DAB1: variants seen among roughly 807,000 people sequenced by gnomAD.
The protein encoded by DAB1 is DAB adaptor protein 1, also known as disabled homolog 1.
A neutral mutation model predicts 64.6 loss-of-function variants in DAB1; 15 were observed. That is an observed-to-expected ratio of 0.23 (90% confidence interval 0.16 to 0.36). The LOEUF is 0.36. Ranked by LOEUF, DAB1 falls within the 10% of genes least tolerant of loss-of-function variation. The probability of loss-of-function intolerance (pLI) is 1.00; values close to 1 mark genes in which losing one functional copy is unlikely to be tolerated. For synonymous variants in DAB1, 235 were observed against 251.9 expected (o/e 0.93, Z 0.64); for missense variants, 596 against 706.7 (o/e 0.84, Z 1.78).
intron 2 of DAB1, among the ~76,000 whole-genome samples, chr1:57,155,015 T>G (rs918146148): frequency 6.6e-6 from 1 of 152,202 alleles, no homozygotes; most frequent in African/African-American, 2.4e-5. Context: ...GTGCAGAAGC[T>G]TTTTAGCTTG....
chr1:57,715,731 TA>T (rs1278926782), intron 6 of DAB1, among the ~76,000 whole-genome samples: 1 of 151,466 alleles, frequency 6.6e-6, no homozygotes, highest in African/African-American at 2.4e-5. Flanking sequence ...GCCAAAGAGG[TA>T]AAAAAAGAAT....
chr1:58,417,819 C>T (rs60580636), intron 3 of DAB1, among the ~76,000 whole-genome samples: 1,869 of 152,326 alleles, frequency 0.012, 47 homozygotes, highest in African/African-American at 0.043. Context: ...TCTGCTCTGA[C>T]ACTGACACAC....
intron 9 of DAB1, among the ~76,000 whole-genome samples, chr1:57,053,660 C>CTCTCTCTCTCTA (rs1399510534): frequency 1.4e-4 from 16 of 116,678 alleles, no homozygotes; most frequent in African/African-American, 5.0e-4. Flanking sequence ...CTCTCTCTCT[C>CTCTCTCTCTCTA]TATATGTATA....
chr1:57,489,602 A>G (rs1644137210), intron 7 of DAB1, among the ~76,000 whole-genome samples: 1 of 152,152 alleles, frequency 6.6e-6, no homozygotes, highest in African/African-American at 2.4e-5. Context: ...TCCAGCCCTT[A>G]TGTCTAACTG....
At chr1:58,144,681 G>GA (rs143248243) in intron 5 of DAB1, among the ~76,000 whole-genome samples, 2,522 of 152,326 alleles carry the variant, frequency 0.017, 66 homozygotes, top group South Asian at 0.1. Context: ...AGAATGAGTA[G>GA]AAGCATTTTA....
At chr1:57,484,577 A>G (rs1187343970) in intron 7 of DAB1, among the ~76,000 whole-genome samples, 1 of 152,196 alleles carries the variant, frequency 6.6e-6, no homozygotes, top group Non-Finnish European at 1.5e-5. Context: ...GCTTGCTTGG[A>G]AGAACACCAA....
At chr1:57,949,130 C>T (rs1645228084) in intron 5 of DAB1, among the ~76,000 whole-genome samples, 1 of 151,666 alleles carries the variant, frequency 6.6e-6, no homozygotes, top group Admixed American at 6.6e-5. Context: ...TTTTTGGCAC[C>T]AGGGACAGAT....
chr1:57,706,768 C>A (rs543992710), intron 6 of DAB1, among the ~76,000 whole-genome samples: 66 of 151,948 alleles, frequency 4.3e-4, no homozygotes, highest in Non-Finnish European at 8.4e-4. Context: ...ATGTATTAAC[C>A]ACCCCAATTA....
At chr1:58,411,584 CAAAGAG>C (rs1199523907) in intron 3 of DAB1, among the ~76,000 whole-genome samples, 2 of 152,104 alleles carry the variant, frequency 1.3e-5, no homozygotes, top group African/African-American at 4.8e-5. Flanking sequence ...GTTGTCCAAG[CAAAGAG>C]AAAGAGAACT....
intron 7 of DAB1, among the ~76,000 whole-genome samples, chr1:57,477,454 A>G (rs1643952729): frequency 6.6e-6 from 1 of 152,176 alleles, no homozygotes; most frequent in African/African-American, 2.4e-5. Context: ...CCCCTTAGTA[A>G]AGAAAGGGCC....
At chr1:57,688,341 A>G in intron 6 of DAB1, among the ~76,000 whole-genome samples, 1 of 152,230 alleles carries the variant, frequency 6.6e-6, no homozygotes, top group Non-Finnish European at 1.5e-5. Context: ...TCATCAGAGA[A>G]ATGCAAATCA....
chr1:58,319,423 T>C (rs10789060), intron 4 of DAB1, among the ~76,000 whole-genome samples: 40,063 of 152,106 alleles, frequency 0.26, 5,928 homozygotes, highest in East Asian at 0.63. Flanking sequence ...TTTATAATTA[T>C]TGTTGTGACT....
intron 5 of DAB1, among the ~76,000 whole-genome samples, chr1:57,945,486 C>G (rs1393581759): frequency 6.6e-6 from 1 of 151,210 alleles, no homozygotes; most frequent in Admixed American, 6.6e-5. Flanking sequence ...CACTATGTCA[C>G]CTAGGTGGGT....
At chr1:57,030,086 G>A (rs1646920805) in intron 9 of DAB1, among the ~76,000 whole-genome samples, 1 of 152,158 alleles carries the variant, frequency 6.6e-6, no homozygotes, top group Non-Finnish European at 1.5e-5. Context: ...TGTTGTGGGA[G>A]GGACCCAGGG....
chr1:58,314,426 T>G (rs1662506600), intron 4 of DAB1, among the ~76,000 whole-genome samples: 1 of 152,170 alleles, frequency 6.6e-6, no homozygotes, highest in Non-Finnish European at 1.5e-5. Context: ...TGAAACTCTT[T>G]TGGATTCTCT....
chr1:57,407,793 TG>T (rs1223449448), intron 1 of DAB1, among the ~76,000 whole-genome samples: 5 of 151,568 alleles, frequency 3.3e-5, no homozygotes, highest in African/African-American at 1.2e-4. Context: ...TGTGTGTGTG[TG>T]TGTGTGTGTG....
At chr1:58,046,932 C>A (rs1291781295) in intron 5 of DAB1, among the ~76,000 whole-genome samples, 1 of 152,158 alleles carries the variant, frequency 6.6e-6, no homozygotes, top group African/African-American at 2.4e-5. Flanking sequence ...AAGTTCAAAG[C>A]CCAGCCGTGC....
intron 7 of DAB1, among the ~76,000 whole-genome samples, chr1:57,548,106 G>A (rs1054440279): frequency 6.7e-6 from 1 of 148,342 alleles, no homozygotes; most frequent in East Asian, 1.9e-4. Context: ...ATCTTTCTCT[G>A]TCTGTCTGCA....
intron 4 of DAB1, among the ~76,000 whole-genome samples, chr1:58,292,434 T>C: frequency 6.6e-6 from 1 of 152,132 alleles, no homozygotes; most frequent in East Asian, 1.9e-4. Flanking sequence ...GGATGAAAAA[T>C]AATAATAATT....
Sources: gnomAD v4.1 joint callset for allele counts (sites outside exome capture counted in the v4.1 genomes callset) on GRCh38, gnomAD v4.1.1 for gene constraint, MANE v1.5 for transcripts, NCBI Gene and HGNC (gene_info 2026-07-23, HGNC 2026-07-21) for gene names.